FRMD6: variants seen among roughly 807,000 people sequenced by gnomAD.
FRMD6 encodes FERM domain containing 6, also known as FERM domain-containing protein 6.
FRMD6 carries 37 observed loss-of-function variants against 73.2 expected under a neutral mutation model. That is an observed-to-expected ratio of 0.51 (90% CI 0.39 to 0.66). The LOEUF is 0.66. Among genes scored for constraint, FRMD6 ranks in the 30% least tolerant of loss-of-function variants. The pLI is 0.00. For missense variants in FRMD6, 714 were observed against 780.5 expected (o/e 0.91, Z 1.02); for synonymous variants, 273 against 282.2 (o/e 0.97, Z 0.33).
At chr14:51,532,355 C>T (rs1482753594) in intron 1 of FRMD6, among the ~76,000 whole-genome samples, 2 of 124,278 alleles carry the variant, frequency 1.6e-5, no homozygotes, top group East Asian at 2.3e-4. Flanking sequence ...GGTGACAGAG[C>T]GAGACTCCAT....
chr14:51,552,283 C>G (rs537779464), intron 1 of FRMD6, among the ~76,000 whole-genome samples: 6 of 152,342 alleles, frequency 3.9e-5, no homozygotes, highest in African/African-American at 1.4e-4. Context: ...TAGAACCGCA[C>G]AGTGATTTAG....
chr14:51,717,406 A>G (rs1393272272), intron 10 of FRMD6: 2 of 152,202 alleles, frequency 1.3e-5, no homozygotes, highest in African/African-American at 4.8e-5. Flanking sequence ...CACTACTGCA[A>G]TAATGGCACT....
chr14:51,644,070 AGATCCACT>A (rs1891936730), intron 2 of FRMD6, among the ~76,000 whole-genome samples: 2 of 152,170 alleles, frequency 1.3e-5, no homozygotes, highest in Admixed American at 1.3e-4. Flanking sequence ...AATTTGAATT[AGATCCACT>A]GATATCAATG....
chr14:51,473,011 A>G, the FRMD6 span, among the ~76,000 whole-genome samples: 1 of 152,156 alleles, frequency 6.6e-6, no homozygotes, highest in Non-Finnish European at 1.5e-5. Context: ...TTGGGAAATA[A>G]TTTTCAAATG....
Position 51,720,374 on chromosome 14 carries a change from G to A in FRMD6, c.1344G>A (p.Glu448=). ...GTGGCGGCAAAGACCGGCTGGAAGA[G>A]GACTTACAGGACGATGGTAACAGTA... ...VESGGKDRLE[E]DLQDDEIEML... is the part of the protein sequence containing the mutation. The change falls in exon 11 of 14, where the codon GAG becomes GAA. Residue 448 remains glutamate (E), a synonymous_variant. Coordinates refer to ENST00000344768, the MANE Select transcript of FRMD6 (RefSeq NM_001267046.2). The A allele has an allele frequency of 6.2e-7, 1 of 1,613,472 alleles. No homozygotes were observed. The highest frequency in any genetic ancestry group is 8.5e-7 in the Non-Finnish European group (1 of 1,180,008).
intron 1 of FRMD6, among the ~76,000 whole-genome samples, chr14:51,548,394 T>C (rs1263018077): frequency 2.0e-5 from 3 of 152,220 alleles, no homozygotes; most frequent in Non-Finnish European, 4.4e-5. Context: ...CTGTGGCTTG[T>C]AGCCATCAGA....
intron 2 of FRMD6, among the ~76,000 whole-genome samples, chr14:51,584,585 T>C (rs544505154): frequency 6.6e-5 from 10 of 152,308 alleles, no homozygotes; most frequent in Non-Finnish European, 1.0e-4. Flanking sequence ...TTGTGTAACA[T>C]GATGATCACA....
chr14:51,564,305 G>A (rs530610077), intron 1 of FRMD6, among the ~76,000 whole-genome samples: 1 of 152,182 alleles, frequency 6.6e-6, no homozygotes, highest in South Asian at 2.1e-4. Context: ...TCTCTGAGGC[G>A]GTATGTGATT....
intron 1 of FRMD6, among the ~76,000 whole-genome samples, chr14:51,562,325 C>T (rs1410511822): frequency 6.6e-6 from 1 of 152,170 alleles, no homozygotes; most frequent in Non-Finnish European, 1.5e-5. Flanking sequence ...CCCAGGTTGA[C>T]AATCTCTATC....
chr14:51,637,312 GAAGA>G (rs1373991683), intron 2 of FRMD6: 1 of 152,048 alleles, frequency 6.6e-6, no homozygotes, highest in African/African-American at 2.4e-5. Flanking sequence ...CTAAGGAAAG[GAAGA>G]AACATTTTGA....
At chr14:51,653,633 A>G (rs117082679) in intron 1 of FRMD6, among the ~76,000 whole-genome samples, 1,707 of 152,246 alleles carry the variant, frequency 0.011, 15 homozygotes, top group South Asian at 0.025. Flanking sequence ...GGGAGGGGAG[A>G]AGACCAGAAG....
At chr14:51,710,376 T>A (rs1896877780) in intron 7 of FRMD6, among the ~76,000 whole-genome samples, 1 of 152,288 alleles carries the variant, frequency 6.6e-6, no homozygotes, top group South Asian at 2.1e-4. Context: ...AAACCCGTTT[T>A]GTGCCCCTTT....
intron 1 of FRMD6, among the ~76,000 whole-genome samples, chr14:51,530,764 G>A (rs1355821493): frequency 3.3e-5 from 5 of 152,112 alleles, no homozygotes; most frequent in Non-Finnish European, 7.4e-5. Context: ...TGGGATTACA[G>A]GCAGGAACCA....
At chr14:51,482,896 G>T in the FRMD6 span, among the ~76,000 whole-genome samples, 1 of 151,890 alleles carries the variant, frequency 6.6e-6, no homozygotes, top group African/African-American at 2.4e-5. Context: ...GAGACGGGGG[G>T]TTTCACTATG....
chr14:51,555,050 G>A (rs1031236665), intron 1 of FRMD6, among the ~76,000 whole-genome samples: 5 of 152,108 alleles, frequency 3.3e-5, no homozygotes, highest in South Asian at 2.1e-4. Context: ...ATACTTACTC[G>A]ATGCATTGTG....
At chr14:51,468,727 C>T in the FRMD6 span, among the ~76,000 whole-genome samples, 4 of 152,168 alleles carry the variant, frequency 2.6e-5, no homozygotes, top group African/African-American at 9.7e-5. Context: ...ATGTTTTTGT[C>T]AATGATCTTT....
intron 2 of FRMD6, among the ~76,000 whole-genome samples, chr14:51,691,895 A>G (rs1435282210): frequency 1.3e-5 from 2 of 152,092 alleles, no homozygotes; most frequent in Non-Finnish European, 2.9e-5. Context: ...GTGCCTGGCT[A>G]TGTTACTATA....
At chr14:51,664,584 C>T (rs1402380279) in intron 1 of FRMD6, among the ~76,000 whole-genome samples, 1 of 152,136 alleles carries the variant, frequency 6.6e-6, no homozygotes, top group Non-Finnish European at 1.5e-5. Flanking sequence ...TTTGGTAATA[C>T]CAAAGTATAG....
At chr14:51,591,331 A>G (rs953216952) in intron 2 of FRMD6, among the ~76,000 whole-genome samples, 7 of 152,240 alleles carry the variant, frequency 4.6e-5, no homozygotes, top group African/African-American at 1.7e-4. Context: ...TATCAGAGAT[A>G]GTTCACCTCA....
Sources: gnomAD v4.1 joint callset for allele counts (sites outside exome capture counted in the v4.1 genomes callset) on GRCh38, gnomAD v4.1.1 for gene constraint, MANE v1.5 for transcripts, NCBI Gene and HGNC (gene_info 2026-07-23, HGNC 2026-07-21) for gene names.